The following PHACTR2 variants were observed in gnomAD, a reference collection of about 807,000 sequenced individuals.
The protein encoded by PHACTR2 is phosphatase and actin regulator 2.
Under a neutral mutation model 76.0 loss-of-function variants are expected in PHACTR2, and 30 were observed. The ratio of observed to expected loss-of-function variants is 0.39; its 90% CI spans 0.30 to 0.54. The LOEUF (loss-of-function observed/expected upper bound fraction) is 0.54. PHACTR2 is among the 20% of genes least tolerant of loss of function. The pLI is 0.61. For synonymous variants in PHACTR2, 292 were observed against 292.5 expected (o/e 1.00, Z 0.02); for missense variants, 696 against 781.1 (o/e 0.89, Z 1.30).
At chr6:143,603,011 G>T (rs1775828496) in intron 1 of PHACTR2, among the ~76,000 whole-genome samples, 1 of 151,998 alleles carries the variant, frequency 6.6e-6, no homozygotes, top group Admixed American at 6.6e-5. Flanking sequence ...CAGACATGGT[G>T]GTGCATGCCT....
intron 1 of PHACTR2, among the ~76,000 whole-genome samples, chr6:143,575,035 A>G (rs952481633): frequency 6.6e-6 from 1 of 152,272 alleles, no homozygotes. Flanking sequence ...GTTAATTGTA[A>G]CAAATAATCC....
rs983169003 is a variant in PHACTR2, at chr6:143,571,227, A to G, written c.217+34020A>G. ...CCACTAACAATTATCATTGTTAGTA[A>G]CAATTATCATTGCGGTGTTTGTCAG... On this transcript the variant is annotated intron_variant, in intron 1 of 11. Transcript: ENST00000367584. This position sits in a 1 kb window ranked among gnomAD's most constrained non-coding sequence, Gnocchi z 4.6. Among the ~76,000 whole-genome samples, 2 of 152,218 alleles carry G rather than the reference A, an allele frequency of 1.3e-5. No individual in the cohort carries two copies. Among genetic ancestry groups the G allele is most frequent in the South Asian group, 4.1e-4 (2 of 4,836 alleles).
At position 143,627,192 on chromosome 6, in the gene PHACTR2, A is replaced by G. The variant is rs1389010552; in HGVS notation, c.13+18870A>G. On this transcript the variant is annotated intron_variant, in intron 1 of 11. Transcript: ENST00000305766. The surrounding 1 kb of genome is among the most constrained non-coding windows in gnomAD (Gnocchi z 4.3). ...TGATGTAGGGGAGGCTCCAAGGGTG[A>G]TGATATTTGGGCTGGGATGTTTGAA... Among the ~76,000 whole-genome samples, 1 of 152,228 alleles carries G rather than the reference A, an allele frequency of 6.6e-6. No individual in the cohort carries two copies. The highest frequency in any genetic ancestry group is 6.5e-5 in the Admixed American group (1 of 15,284).
chr6:143,668,817 A>C (rs958361175), intron 1 of PHACTR2, among the ~76,000 whole-genome samples: 7 of 152,120 alleles, frequency 4.6e-5, no homozygotes, highest in Non-Finnish European at 1.0e-4. Context: ...TTTTCAAAAA[A>C]CCAGCTCCTG....
At chr6:143,642,018 G>C (rs544732148) in intron 1 of PHACTR2, among the ~76,000 whole-genome samples, 1 of 152,114 alleles carries the variant, frequency 6.6e-6, no homozygotes, top group Admixed American at 6.6e-5. Flanking sequence ...ATTATATATA[G>C]CTCCTCTGCA....
Position 143,782,769 on chromosome 6 carries a change from G to A in PHACTR2, c.1646-450G>A, listed in dbSNP as rs1015474031. On this transcript the variant is annotated intron_variant, in intron 9 of 12. Transcript: ENST00000440869. This position sits in a 1 kb window ranked among gnomAD's most constrained non-coding sequence, Gnocchi z 4.6. The stretch of plus-strand genomic sequence containing the variant: ...GAAATCAGCAGCTCAGACATGCATC[G>A]GATGGTTCTAATTTGCTCTTTTAAT... Among the ~76,000 whole-genome samples the A allele has an allele frequency of 2.6e-5, 4 of 152,106 alleles. No individual in the cohort carries two copies. Among genetic ancestry groups the A allele is most frequent in the Admixed American group, 1.3e-4 (2 of 15,264 alleles).
chr6:143,707,061 A>G (rs1778071340), intron 1 of PHACTR2, among the ~76,000 whole-genome samples: 1 of 152,206 alleles, frequency 6.6e-6, no homozygotes, highest in Non-Finnish European at 1.5e-5. Context: ...TCTTTGCCAT[A>G]TGTTCTGTGG....
chr6:143,790,753 A>G (rs1455598030), intron 11 of PHACTR2, among the ~76,000 whole-genome samples: 2 of 150,346 alleles, frequency 1.3e-5, no homozygotes, highest in African/African-American at 4.9e-5. Flanking sequence ...AGCTCACTGC[A>G]AGCTCCACCT....
chr6:143,630,575 A>G (rs1455292254), intron 1 of PHACTR2, among the ~76,000 whole-genome samples: 2 of 152,220 alleles, frequency 1.3e-5, no homozygotes, highest in East Asian at 1.9e-4. Flanking sequence ...AACCTTTCAA[A>G]GCCCCATTCC....
intron 1 of PHACTR2, among the ~76,000 whole-genome samples, chr6:143,566,426 T>A (rs1307729439): frequency 6.6e-6 from 1 of 152,132 alleles, no homozygotes; most frequent in East Asian, 1.9e-4. Context: ...CACAAGTAGC[T>A]GGGACTACAG....
At chr6:143,676,676 A>C (rs1400970789), upstream of PHACTR2, among the ~76,000 whole-genome samples, 1 of 152,172 alleles carries the variant, frequency 6.6e-6, no homozygotes, top group Admixed American at 6.5e-5. The surrounding 1 kb of genome is among the most constrained non-coding windows in gnomAD (Gnocchi z 4.8). Context: ...TTTATAAGGA[A>C]ATGTAGTTAG....
chr6:143,552,829 G>A (rs1344192223), intron 1 of PHACTR2, among the ~76,000 whole-genome samples: 4 of 145,568 alleles, frequency 2.7e-5, no homozygotes, highest in African/African-American at 1.0e-4. Context: ...GTTGCAGTGA[G>A]CCAAGATCGT....
chr6:143,703,671 A>T (rs1777967653), intron 1 of PHACTR2, among the ~76,000 whole-genome samples: 1 of 152,120 alleles, frequency 6.6e-6, no homozygotes, highest in African/African-American at 2.4e-5. Context: ...TGGCAAAATA[A>T]TTTTTCAAAT....
At position 143,757,145 on chromosome 6, in the gene PHACTR2, T is replaced by C. The variant is rs1417452538; in HGVS notation, c.454+3233T>C. ...TAAGTTATTATTTTAAAATCTTCAA[T>C]GAAATAACAAGTGATGAACACTTAT... On this transcript the variant is annotated intron_variant, in intron 4 of 12. Transcript: ENST00000440869. The surrounding 1 kb of genome is among the most constrained non-coding windows in gnomAD (Gnocchi z 4.2). Among the ~76,000 whole-genome samples, 2 of 152,204 alleles carry C rather than the reference T, an allele frequency of 1.3e-5. No homozygotes were observed. Among genetic ancestry groups the C allele is most frequent in the African/African-American group, 4.8e-5 (2 of 41,452 alleles).
intron 2 of PHACTR2, 121 bp from the exon 3 acceptor site, chr6:143,748,864 A>T: frequency 1.8e-6 from 1 of 569,808 alleles, no homozygotes; most frequent in Admixed American, 3.4e-5. Context: ...TTAAGCAACT[A>T]AGAAAACGAG....
chr6:143,680,580 G>C lies in PHACTR2; in HGVS notation c.46+2371G>C, dbSNP rs1444729320. Among the ~76,000 whole-genome samples, 1 of 152,086 alleles carries C rather than the reference G, an allele frequency of 6.6e-6. No homozygotes were observed. Among genetic ancestry groups the C allele is most frequent in the Non-Finnish European group, 1.5e-5 (1 of 68,002 alleles). On this transcript the variant is annotated intron_variant, in intron 1 of 12. Transcript: ENST00000440869. The surrounding 1 kb of genome is among the most constrained non-coding windows in gnomAD (Gnocchi z 4.5). ...CAGTTTAGGTTGCACCTAATTCTCT[G>C]GGTTCTAGGAAGACCATTAATAATT...
chr6:143,631,136 C>A (rs189711502), intron 1 of PHACTR2, among the ~76,000 whole-genome samples: 2 of 152,194 alleles, frequency 1.3e-5, no homozygotes, highest in Non-Finnish European at 2.9e-5. Context: ...CCATATGTTA[C>A]ATCATTTCAA....
chr6:143,569,673 C>G (rs1219411826), intron 1 of PHACTR2, among the ~76,000 whole-genome samples: 1 of 152,078 alleles, frequency 6.6e-6, no homozygotes, highest in African/African-American at 2.4e-5. Flanking sequence ...ATAGACATAC[C>G]TGTTTTTTAA....
chr6:143,584,419 G>T (rs1430176038), intron 1 of PHACTR2, among the ~76,000 whole-genome samples: 2 of 152,186 alleles, frequency 1.3e-5, no homozygotes, highest in African/African-American at 4.8e-5. Flanking sequence ...ACTAGCCTCA[G>T]TTCTGGAGGA....
Sources: gnomAD v4.1 joint callset for allele counts (sites outside exome capture counted in the v4.1 genomes callset) on GRCh38, gnomAD v4.1.1 for gene constraint, Gnocchi (gnomAD v3.1) non-coding constraint, MANE v1.5 for transcripts, NCBI Gene and HGNC (gene_info 2026-07-23, HGNC 2026-07-21) for gene names.